FHIT: variants seen among roughly 807,000 people sequenced by gnomAD.
The protein encoded by FHIT is fragile histidine triad diadenosine triphosphatase.
A neutral mutation model predicts 17.9 loss-of-function variants in FHIT; 19 were observed. The observed-to-expected ratio is 1.06, with a 90% CI of 0.74 to 1.56. The LOEUF is 1.56. FHIT is among the 40% of genes most tolerant of loss of function. FHIT has a pLI of 0.00. For missense variants in FHIT, 248 were observed against 189.2 expected, an observed-to-expected ratio of 1.31 and a Z score of -1.82; for synonymous variants, 81 against 69.7, an observed-to-expected ratio of 1.16 and a Z score of -0.81.
chr3:60,099,474 C>T (rs1420155957), intron 5 of FHIT, among the ~76,000 whole-genome samples: 3 of 152,218 alleles, frequency 2.0e-5, no homozygotes, highest in Non-Finnish European at 4.4e-5. Context: ...GATTCTGACC[C>T]AATCAGTAGG....
intron 4 of FHIT, among the ~76,000 whole-genome samples, chr3:60,675,805 C>T (rs2040610273): frequency 1.3e-5 from 2 of 152,170 alleles, no homozygotes; most frequent in Admixed American, 6.5e-5. Flanking sequence ...AATAAAGGTG[C>T]AATCACAGCA....
intron 5 of FHIT, among the ~76,000 whole-genome samples, chr3:60,289,747 T>A (rs182137799): frequency 1.3e-4 from 20 of 152,320 alleles, no homozygotes; most frequent in African/African-American, 4.8e-4. Flanking sequence ...CTCCCAAGAA[T>A]ATCCTCTTGA....
intron 5 of FHIT, among the ~76,000 whole-genome samples, chr3:60,175,079 G>A (rs1022356233): frequency 7.2e-5 from 11 of 152,092 alleles, no homozygotes; most frequent in Admixed American, 3.9e-4. Context: ...ATGCTCCTTC[G>A]AATTTTATCT....
intron 2 of FHIT, among the ~76,000 whole-genome samples, chr3:61,180,702 G>T (rs941178769): frequency 6.6e-6 from 1 of 152,172 alleles, no homozygotes; most frequent in African/African-American, 2.4e-5. Flanking sequence ...AAAGTACCAA[G>T]CAAAGTATTA....
chr3:60,655,167 G>A (rs2040084933), intron 4 of FHIT, among the ~76,000 whole-genome samples: 1 of 152,184 alleles, frequency 6.6e-6, no homozygotes, highest in South Asian at 2.1e-4. Context: ...GTGTTAACTA[G>A]CAATATGGAA....
chr3:59,792,335 A>G (rs55739713), intron 8 of FHIT, among the ~76,000 whole-genome samples: 33,897 of 152,120 alleles, frequency 0.22, 4,058 homozygotes, highest in South Asian at 0.28. Flanking sequence ...TTTTTAACCT[A>G]AAGTTTGGTC....
At chr3:60,442,025 A>T (rs1250545896) in intron 5 of FHIT, among the ~76,000 whole-genome samples, 3 of 150,326 alleles carry the variant, frequency 2.0e-5, no homozygotes, top group Non-Finnish European at 3.0e-5. Flanking sequence ...TGCCTGACTA[A>T]TTTTTTTAAC....
At chr3:60,732,657 C>G (rs1158285642) in intron 4 of FHIT, 1 of 403,646 alleles carries the variant, frequency 2.5e-6, no homozygotes, top group Non-Finnish European at 4.8e-6. Context: ...AGGGTGCTCC[C>G]GGCAGTGGCA....
chr3:59,779,919 C>T (rs780343), intron 8 of FHIT, among the ~76,000 whole-genome samples: 145,624 of 152,320 alleles, frequency 0.96, 69,936 homozygotes, highest in East Asian at 1. Flanking sequence ...CACGGACACA[C>T]AGGTAACATC....
chr3:60,953,988 G>T (rs1039640423), intron 3 of FHIT, among the ~76,000 whole-genome samples: 6 of 152,238 alleles, frequency 3.9e-5, no homozygotes, highest in African/African-American at 1.4e-4. Context: ...GAGCCCAAAG[G>T]GTTTCTGCAG....
chr3:60,638,121 G>C (rs2039635452), intron 4 of FHIT, among the ~76,000 whole-genome samples: 1 of 152,054 alleles, frequency 6.6e-6, no homozygotes, highest in Admixed American at 6.6e-5. Context: ...GAAGTTGCCA[G>C]GACACCAACT....
chr3:60,567,911 C>G (rs955482104), intron 4 of FHIT, among the ~76,000 whole-genome samples: 1 of 152,128 alleles, frequency 6.6e-6, no homozygotes, highest in Admixed American at 6.6e-5. Flanking sequence ...CAATGAGATA[C>G]CATCTCTCAC....
At chr3:60,371,476 G>C (rs762760196) in intron 5 of FHIT, among the ~76,000 whole-genome samples, 3 of 151,856 alleles carry the variant, frequency 2.0e-5, no homozygotes, top group Non-Finnish European at 4.4e-5. Flanking sequence ...TCCTGCCTCT[G>C]CCTCCCAAGT....
intron 5 of FHIT, among the ~76,000 whole-genome samples, chr3:60,257,996 CAT>C (rs1706092799): frequency 6.6e-6 from 1 of 151,560 alleles, no homozygotes; most frequent in African/African-American, 2.4e-5. Context: ...CACCATGGCA[CAT>C]GTTTACCTAT....
chr3:60,699,160 C>T (rs1463140621), intron 4 of FHIT, among the ~76,000 whole-genome samples: 1 of 152,126 alleles, frequency 6.6e-6, no homozygotes, highest in Non-Finnish European at 1.5e-5. Flanking sequence ...TACCCAACTA[C>T]TTATGAGTAC....
intron 4 of FHIT, among the ~76,000 whole-genome samples, chr3:60,727,430 T>G (rs995491448): frequency 6.6e-6 from 1 of 152,296 alleles, no homozygotes; most frequent in East Asian, 1.9e-4. Context: ...AAAGACATAA[T>G]TATGATAAGA....
At chr3:60,924,919 T>G (rs930841115) in intron 3 of FHIT, among the ~76,000 whole-genome samples, 1 of 151,954 alleles carries the variant, frequency 6.6e-6, no homozygotes, top group African/African-American at 2.4e-5. Flanking sequence ...AATACACAAG[T>G]CTCAGTAGCC....
chr3:60,989,984 C>T (rs2030037884), intron 3 of FHIT, among the ~76,000 whole-genome samples: 1 of 152,180 alleles, frequency 6.6e-6, no homozygotes, highest in South Asian at 2.1e-4. Flanking sequence ...CAAAGAAACA[C>T]AATCCTTTAC....
intron 1 of FHIT, among the ~76,000 whole-genome samples, chr3:61,207,097 T>C (rs1576216095): frequency 6.6e-6 from 1 of 152,194 alleles, no homozygotes; most frequent in African/African-American, 2.4e-5. Context: ...TTGTCTTTGG[T>C]TCTGTTTATA....
Sources: gnomAD v4.1 joint callset for allele counts (sites outside exome capture counted in the v4.1 genomes callset) on GRCh38, gnomAD v4.1.1 for gene constraint, MANE v1.5 for transcripts, NCBI Gene and HGNC (gene_info 2026-07-23, HGNC 2026-07-21) for gene names.